Variants in PRDM2 observed in about 807,000 individuals in gnomAD.
The protein encoded by PRDM2 is PR/SET domain 2, also known as PR domain zinc finger protein 2.
A neutral mutation model predicts 130.0 loss-of-function variants in PRDM2; 30 were observed. That is an observed-to-expected ratio of 0.23 (90% CI 0.17 to 0.31). The LOEUF (loss-of-function observed/expected upper bound fraction) is 0.31. Ranked by LOEUF, PRDM2 falls within the 10% of genes least tolerant of loss-of-function variation. PRDM2 has a pLI of 1.00. For synonymous variants in PRDM2, 871 were observed against 782.4 expected (o/e 1.11, Z -1.89); for missense variants, 2,011 against 2,108.4 (o/e 0.95, Z 0.90).
chr1:13,709,887 T>C (rs926894525), intron 1 of PRDM2, among the ~76,000 whole-genome samples: 1 of 152,222 alleles, frequency 6.6e-6, no homozygotes, highest in Non-Finnish European at 1.5e-5. Flanking sequence ...CCTCTATGTG[T>C]CTATTGCAAA....
chr1:13,743,526 A>G (rs754245579), intron 5 of PRDM2, among the ~76,000 whole-genome samples: 1 of 151,908 alleles, frequency 6.6e-6, no homozygotes, highest in African/African-American at 2.4e-5. Context: ...CAAAATTGCT[A>G]TAAGGCAAGT....
chr1:13,794,974 T>G (rs1018231659), intron 8 of PRDM2, among the ~76,000 whole-genome samples: 2 of 152,322 alleles, frequency 1.3e-5, no homozygotes, highest in South Asian at 4.1e-4. Flanking sequence ...TTCCTTCTTA[T>G]AGCAGATGCT....
At chr1:13,736,981 AT>A (rs1258733852) in intron 4 of PRDM2, among the ~76,000 whole-genome samples, 4 of 152,236 alleles carry the variant, frequency 2.6e-5, no homozygotes, top group Non-Finnish European at 5.9e-5. Flanking sequence ...TAAAAGATAT[AT>A]AAACTTTTTT....
chr1:13,722,502 A>G (rs1642762074), intron 2 of PRDM2, among the ~76,000 whole-genome samples: 2 of 152,102 alleles, frequency 1.3e-5, no homozygotes, highest in African/African-American at 4.8e-5. Context: ...ATTTCTTCCA[A>G]TAGAATTTTT....
At chr1:13,793,862 A>G (rs1464159754) in intron 8 of PRDM2, among the ~76,000 whole-genome samples, 1 of 152,180 alleles carries the variant, frequency 6.6e-6, no homozygotes, top group Non-Finnish European at 1.5e-5. Context: ...TGTTTTAAGA[A>G]AGTCTATGAA....
Position 13,704,945 on chromosome 1 carries a change from A to C in PRDM2, c.-66+4645A>C, listed in dbSNP as rs990447963. Reference sequence around the variant, plus strand: ...TCTGAAAGACTTAGTTTTACAGTACATCTGAAAGTAGGAGTTTTCAGAAGT... The same window carrying C: ...TCTGAAAGACTTAGTTTTACAGTACCTCTGAAAGTAGGAGTTTTCAGAAGT... On this transcript the variant is annotated intron_variant, in intron 1 of 9. Transcript: ENST00000311066. The C allele has an allele frequency of 2.6e-5, 4 of 152,214 alleles. No homozygotes were observed. The East Asian group carries it at 7.7e-4, about 29-fold the overall frequency. 9.4% of individuals were successfully genotyped at this position (152,214 alleles called of 1,614,324 possible).
intron 1 of PRDM2, among the ~76,000 whole-genome samples, chr1:13,714,191 A>G (rs1642464983): frequency 6.6e-6 from 1 of 151,642 alleles, no homozygotes; most frequent in Non-Finnish European, 1.5e-5. Flanking sequence ...TTTTAACTTG[A>G]TAACAATCTT....
chr1:13,762,619 C>G (rs568751357), intron 6 of PRDM2, among the ~76,000 whole-genome samples: 2 of 152,158 alleles, frequency 1.3e-5, no homozygotes, highest in Non-Finnish European at 2.9e-5. Context: ...TACTTTACCC[C>G]TATATTGGCA....
chr1:13,732,018 C>T (rs1216781449), intron 3 of PRDM2, among the ~76,000 whole-genome samples: 3 of 152,104 alleles, frequency 2.0e-5, no homozygotes, highest in Non-Finnish European at 2.9e-5. Flanking sequence ...CCAGCCTTTA[C>T]CCCCCATTCT....
chr1:13,811,146 T>C (rs1645166668), intron 8 of PRDM2, among the ~76,000 whole-genome samples: 1 of 151,866 alleles, frequency 6.6e-6, no homozygotes. Flanking sequence ...AAAGCACGAC[T>C]GCACTCCAGC....
chr1:13,728,145 A>T (rs954841404), intron 2 of PRDM2, among the ~76,000 whole-genome samples: 13 of 152,270 alleles, frequency 8.5e-5, no homozygotes, highest in South Asian at 2.1e-4. Flanking sequence ...CCTCCTTTTT[A>T]AAAAAAGCTT....
At chr1:13,767,311 T>TTCA (rs1557634112) in intron 6 of PRDM2, among the ~76,000 whole-genome samples, 1 of 152,026 alleles carries the variant, frequency 6.6e-6, no homozygotes, top group African/African-American at 2.4e-5. Flanking sequence ...GTCTTTGTTT[T>TTCA]GTTTTTGAGA....
At position 13,782,389 on chromosome 1, in the gene PRDM2, G is replaced by A; in HGVS notation, c.4594G>A (p.Gly1532Ser). Residue 1532 changes from glycine (G) to serine (S), a missense_variant, in exon 8 of 10, where the codon GGC becomes AGC. Around this residue, in one of 5 missense-constraint regions of PRDM2, gnomAD observed 410 missense variants for 395.9 expected, o/e 1.04. Coordinates refer to ENST00000311066, the MANE Select transcript of PRDM2 (RefSeq NM_001393986.1). Reference protein sequence around the residue: ...IKMQSMQTPLGKTRARSSGPT... With the variant: ...IKMQSMQTPLSKTRARSSGPT... ...AATGCAAAGCATGCAGACTCCGTTGGGCAAGACCAGAGCCCGCAGCTCAGG... is the reference window on the plus strand; with the variant it reads ...AATGCAAAGCATGCAGACTCCGTTGAGCAAGACCAGAGCCCGCAGCTCAGG... 8 of 1,613,744 alleles carry A rather than the reference G, an allele frequency of 5.0e-6. No homozygotes were observed. Among genetic ancestry groups the A allele is most frequent in the Non-Finnish European group, 6.8e-6 (8 of 1,179,992 alleles).
intron 2 of PRDM2, chr1:13,722,789 C>T: frequency 2.0e-6 from 1 of 511,490 alleles, no homozygotes; most frequent in Admixed American, 2.0e-5. Context: ...CGTTGACAGT[C>T]TCTAAAGCCA....
intron 2 of PRDM2, chr1:13,717,347 G>C (rs1642574273): frequency 1.2e-6 from 1 of 814,960 alleles, no homozygotes; most frequent in African/African-American, 1.9e-5. Flanking sequence ...TTACGAACCT[G>C]GTCACCCAAA....
In PRDM2 at chr1:13,768,367, G is replaced by A. The variant is rs896487929; in HGVS notation, c.512-4711G>A. Among the ~76,000 whole-genome samples the A allele has an allele frequency of 2.7e-5, 4 of 148,222 alleles. No homozygotes were observed. In the South Asian group the frequency reaches 8.6e-4, roughly 32 times the overall value. On this transcript the variant is annotated intron_variant, in intron 6 of 9. Transcript: ENST00000311066. ...CAAAGTGCTGGGATTACAGGCGTGA[G>A]CCACCGCGCCCGGCCTTCTTTTTTT...
Position 13,823,394 on chromosome 1 carries a change from G to C in PRDM2, c.*259G>C. 1.7e-6 allele frequency: 1 copy of C among 603,532 alleles called. No individual in the cohort carries two copies. Among genetic ancestry groups the C allele is most frequent in the South Asian group, 2.0e-5 (1 of 49,868 alleles). 37.4% of individuals were successfully genotyped at this position (603,532 alleles called of 1,614,324 possible). ...GGGCCGACTCCACGCTGTCCTTTGG[G>C]ATGATACTTGGATGCAGCTCTTGGG... On this transcript the variant is annotated 3_prime_UTR_variant, in exon 10 of 10. Transcript: ENST00000311066.
At chr1:13,763,462 A>G (rs1470105826) in intron 6 of PRDM2, among the ~76,000 whole-genome samples, 1 of 152,152 alleles carries the variant, frequency 6.6e-6, no homozygotes, top group Non-Finnish European at 1.5e-5. Context: ...CTGTGTGTCC[A>G]TTGTGGGTTT....
At chr1:13,749,929 C>T (rs1414489935) in intron 6 of PRDM2, among the ~76,000 whole-genome samples, 1 of 152,246 alleles carries the variant, frequency 6.6e-6, no homozygotes, top group African/African-American at 2.4e-5. Flanking sequence ...TCGGGCCCGC[C>T]GCGCAGGACG....
Sources: allele counts gnomAD v4.1 joint callset (sites outside exome capture counted in the v4.1 genomes callset), GRCh38; gene constraint gnomAD v4.1.1; regional missense constraint gnomAD v4.1.1; transcripts MANE v1.5; gene names NCBI Gene and HGNC (gene_info 2026-07-23, HGNC 2026-07-21).